The following ADARB2 variants were observed in gnomAD, a reference collection of about 807,000 sequenced individuals.
ADARB2 encodes inactive double-stranded RNA-specific editase B2.
In ADARB2, 25 loss-of-function variants were observed where a neutral mutation model predicts 62.2. That is an observed-to-expected ratio of 0.40 (90% CI 0.29 to 0.56). The LOEUF (loss-of-function observed/expected upper bound fraction) is 0.56, where lower values mean the gene tolerates loss of function less well. ADARB2 is among the 20% of genes least tolerant of loss of function. ADARB2 has a pLI of 0.43. For synonymous variants in ADARB2, 572 were observed against 500.8 expected, an observed-to-expected ratio of 1.14 and a Z score of -1.90; for missense variants, 1,071 against 1,077.4, an observed-to-expected ratio of 0.99 and a Z score of 0.08.
chr10:1,540,871 C>T (rs1832414565), intron 1 of ADARB2, among the ~76,000 whole-genome samples: 1 of 59,200 alleles, frequency 1.7e-5, no homozygotes, highest in African/African-American at 6.6e-5. Context: ...AGACGTAGTT[C>T]AGACCCTGGA....
At chr10:1,382,996 T>C (rs1282005428) in intron 1 of ADARB2, among the ~76,000 whole-genome samples, 1 of 152,014 alleles carries the variant, frequency 6.6e-6, no homozygotes, top group Non-Finnish European at 1.5e-5. Context: ...GGTCTAAGAG[T>C]CAAGAGTCTT....
At chr10:1,329,025 G>T (rs1298822026) in intron 3 of ADARB2, among the ~76,000 whole-genome samples, 3 of 137,268 alleles carry the variant, frequency 2.2e-5, no homozygotes, top group Non-Finnish European at 4.6e-5. Flanking sequence ...AAAAAAAGCA[G>T]GTCTGCAGAA....
intron 8 of ADARB2, among the ~76,000 whole-genome samples, chr10:1,196,335 T>C (rs982104858): frequency 1.3e-5 from 2 of 151,980 alleles, no homozygotes; most frequent in Admixed American, 1.3e-4. Context: ...TGTAGGATTG[T>C]GCCCGGCACT....
chr10:1,655,415 G>A (rs188158541), intron 1 of ADARB2, among the ~76,000 whole-genome samples: 3 of 152,290 alleles, frequency 2.0e-5, no homozygotes, highest in East Asian at 3.9e-4. Flanking sequence ...CATCTTTTCC[G>A]GGCTGAGTTT....
In ADARB2 at chr10:1,471,466, C is replaced by T. The variant is rs563360485; in HGVS notation, c.101-92306G>A. Among the ~76,000 whole-genome samples, 59 of 152,254 alleles carry T rather than the reference C, an allele frequency of 3.9e-4. No homozygotes were observed. In the South Asian group the frequency reaches 0.012, roughly 31 times the overall value. ...AGTGCAATGGCGAGGTCTCGGCTTACCGCAACCTCTGCCTCCCAGGTTCAA... is the reference window on the plus strand; with the variant it reads ...AGTGCAATGGCGAGGTCTCGGCTTATCGCAACCTCTGCCTCCCAGGTTCAA... On this transcript the variant is annotated intron_variant, in intron 1 of 9. Transcript: ENST00000381312.
chr10:1,732,360 C>T (rs1835245291), intron 1 of ADARB2, among the ~76,000 whole-genome samples: 2 of 149,908 alleles, frequency 1.3e-5, no homozygotes, highest in Non-Finnish European at 3.0e-5. Flanking sequence ...TTACGTAATG[C>T]GCTTCTGAGA....
chr10:1,733,193 G>A (rs58858256), intron 1 of ADARB2, among the ~76,000 whole-genome samples: 1 of 152,086 alleles, frequency 6.6e-6, no homozygotes, highest in Non-Finnish European at 1.5e-5. Flanking sequence ...AGATTGACAC[G>A]CCGCTTCTAA....
chr10:1,663,809 G>A (rs1834280593), intron 1 of ADARB2, among the ~76,000 whole-genome samples: 1 of 152,054 alleles, frequency 6.6e-6, no homozygotes, highest in Non-Finnish European at 1.5e-5. Flanking sequence ...TAGTAGACAG[G>A]GTTTCGCCAT....
chr10:1,299,221 G>A (rs1345079377), intron 3 of ADARB2, among the ~76,000 whole-genome samples: 1 of 151,978 alleles, frequency 6.6e-6, no homozygotes, highest in Non-Finnish European at 1.5e-5. Context: ...GGCCCCAGAT[G>A]GGGAAACCCA....
intron 1 of ADARB2, among the ~76,000 whole-genome samples, chr10:1,688,279 C>A (rs1030161861): frequency 6.6e-6 from 1 of 152,210 alleles, no homozygotes; most frequent in Non-Finnish European, 1.5e-5. Flanking sequence ...CACCCTTGGC[C>A]AGGGCTGGGA....
rs377276407 is a variant in ADARB2 at position 1,215,105 on chromosome 10, G to A, written c.1682+1846C>T. 7.1e-3 allele frequency among the ~76,000 whole-genome samples: 1,078 copies of A among 152,260 alleles called. 10 individuals are homozygous for A. The highest frequency in any genetic ancestry group is 0.024 in the African/African-American group (1,005 of 41,554). Reference sequence around the variant, plus strand: ...GCGGGGGTCTCCCGTTTTCTCCTGGGCCCTGTGTCCCCTGATGTCACCCCC... The same window carrying A: ...GCGGGGGTCTCCCGTTTTCTCCTGGACCCTGTGTCCCCTGATGTCACCCCC... On this transcript the variant is annotated intron_variant, in intron 7 of 9. Coordinates refer to ENST00000381312, the MANE Select transcript of ADARB2 (RefSeq NM_018702.4).
chr10:1,591,754 A>T (rs1379750133), intron 1 of ADARB2, among the ~76,000 whole-genome samples: 2 of 152,168 alleles, frequency 1.3e-5, no homozygotes, highest in Non-Finnish European at 2.9e-5. Flanking sequence ...TGCTTGTCTG[A>T]CATGATTCCA....
chr10:1,523,565 G>A (rs1832101684), intron 1 of ADARB2, among the ~76,000 whole-genome samples: 1 of 152,114 alleles, frequency 6.6e-6, no homozygotes, highest in African/African-American at 2.4e-5. Flanking sequence ...TCTGCATTTT[G>A]ACCATGAGCC....
chr10:1,374,781 G>A (rs554627372), intron 2 of ADARB2, among the ~76,000 whole-genome samples: 17 of 152,364 alleles, frequency 1.1e-4, no homozygotes, highest in Non-Finnish European at 1.5e-4. Context: ...CGGGTCAGAC[G>A]GGCTCCCGGG....
intron 1 of ADARB2, among the ~76,000 whole-genome samples, chr10:1,665,853 C>T (rs952702917): frequency 6.6e-6 from 1 of 152,198 alleles, no homozygotes; most frequent in African/African-American, 2.4e-5. Context: ...GGGTTTGCAG[C>T]ATCTCAGGGC....
chr10:1,355,169 C>T (rs1181155873), intron 3 of ADARB2, among the ~76,000 whole-genome samples: 1 of 151,724 alleles, frequency 6.6e-6, no homozygotes, highest in East Asian at 1.9e-4. Flanking sequence ...GCCAGTCAGC[C>T]CACCGTGGTT....
At chr10:1,627,799 A>G (rs1319101491) in intron 1 of ADARB2, among the ~76,000 whole-genome samples, 1 of 152,058 alleles carries the variant, frequency 6.6e-6, no homozygotes, top group Non-Finnish European at 1.5e-5. Flanking sequence ...TCTAATATAC[A>G]AAATCAAATA....
At chr10:1,624,058 C>A (rs1190618644) in intron 1 of ADARB2, among the ~76,000 whole-genome samples, 1 of 151,978 alleles carries the variant, frequency 6.6e-6, no homozygotes, top group East Asian at 1.9e-4. Context: ...CATGGCAAAA[C>A]CCCATCTCTA....
At chr10:1,562,057 G>C (rs138727443) in intron 1 of ADARB2, among the ~76,000 whole-genome samples, 1 of 152,156 alleles carries the variant, frequency 6.6e-6, no homozygotes, top group African/African-American at 2.4e-5. Context: ...GCCGGAACCC[G>C]TCTCCCTCTG....
Sources: gnomAD v4.1 joint callset for allele counts (sites outside exome capture counted in the v4.1 genomes callset) on GRCh38, gnomAD v4.1.1 for gene constraint, MANE v1.5 for transcripts, NCBI Gene and HGNC (gene_info 2026-07-23, HGNC 2026-07-21) for gene names.